The following PPEF1 variants were observed in gnomAD, a reference collection of about 807,000 sequenced individuals.
PPEF1 encodes protein phosphatase with EF-hand domain 1.
Under a neutral mutation model 53.3 loss-of-function variants are expected in PPEF1, and 12 were observed. The ratio of observed to expected loss-of-function variants is 0.23; its 90% confidence interval spans 0.14 to 0.36. PPEF1 has a LOEUF of 0.36. PPEF1 is among the 10% of genes least tolerant of loss of function. The pLI is 1.00. For synonymous variants in PPEF1, 165 were observed against 176.7 expected, an observed-to-expected ratio of 0.93 and a Z score of 0.52; for missense variants, 334 against 490.4, an observed-to-expected ratio of 0.68 and a Z score of 3.01.
In PPEF1 at chrX:18,788,381, C is replaced by T. The variant is rs370157674; in HGVS notation, c.913-740C>T. ...TTGTCTATCACTGAACCACGGCCAC[C>T]AGTATAACAGAAGTATTGTTTAATA... is the stretch of plus-strand genomic sequence containing the variant. On this transcript the variant is annotated intron_variant, in intron 9 of 15. Coordinates refer to ENST00000470157, the MANE Select transcript of PPEF1 (RefSeq NM_001377996.1). 6.1e-3 allele frequency among the ~76,000 whole-genome samples: 656 copies of T among 107,666 alleles called. 3 individuals carry two copies. The highest frequency in any genetic ancestry group is 0.021 in the African/African-American group (631 of 29,470). 93.5% of individuals were successfully genotyped at this position (107,666 alleles called of 115,157 possible).
chrX:18,787,832 C>T (rs73191555), intron 9 of PPEF1, among the ~76,000 whole-genome samples: 50,623 of 108,757 alleles, frequency 0.47, 9,072 homozygotes, highest in Non-Finnish European at 0.54. Flanking sequence ...AGGGTCCTCC[C>T]AGAATATTCT....
At position 18,805,302 on chromosome X, in the gene PPEF1, A is replaced by G. The variant is rs762786072; in HGVS notation, c.1252-1101A>G. 1.3e-4 allele frequency among the ~76,000 whole-genome samples: 15 copies of G among 111,691 alleles called. No individual in the cohort carries two copies. The South Asian group carries it at 3.4e-3, about 26-fold the overall frequency. On this transcript the variant is annotated intron_variant, in intron 11 of 15. Transcript: ENST00000470157. ...CCTGGCCTGGAATGCACCTTTTTCT[A>G]TAGTGAACAGCAATAAATAAAAATG...
intron 14 of PPEF1, among the ~76,000 whole-genome samples, chrX:18,824,314 C>T (rs1332508458): frequency 9.0e-6 from 1 of 110,974 alleles, no homozygotes; most frequent in Admixed American, 9.7e-5. Flanking sequence ...GTCGTGCCCA[C>T]CTGTAATCCC....
intron 3 of PPEF1, among the ~76,000 whole-genome samples, chrX:18,687,685 CTTTTTTTTTTTT>C (rs370867326): frequency 1.1e-5 from 1 of 89,154 alleles, no homozygotes; most frequent in African/African-American, 4.6e-5. Flanking sequence ...AAATATTCTT[CTTTTTTTTTTTT>C]TTTTTTTTTG....
chrX:18,808,025 G>A (rs1480625503), intron 12 of PPEF1, among the ~76,000 whole-genome samples: 1 of 97,664 alleles, frequency 1.0e-5, no homozygotes, highest in Admixed American at 1.2e-4. Flanking sequence ...GGAGTGCAGT[G>A]GTGCGATCTC....
intron 11 of PPEF1, among the ~76,000 whole-genome samples, chrX:18,804,297 C>G (rs1234303737): frequency 1.1e-5 from 1 of 89,388 alleles, no homozygotes; most frequent in East Asian, 3.2e-4. Context: ...TCCCTAATCC[C>G]AGAAACAGAA....
In PPEF1 at chrX:18,713,420, C is replaced by CTTT. The variant is rs55997147; in HGVS notation, c.46+5610_46+5612dup. On this transcript the variant is annotated intron_variant, in intron 1 of 15. Coordinates refer to ENST00000470157, the MANE Select transcript of PPEF1 (RefSeq NM_001377996.1). Reference sequence around the variant, plus strand: ...TTGTTCAGAGTATTCCCTTAAAATTCTTTTTTTTTTTTTTTTTTCTTTACT... The same window carrying CTTT: ...TTGTTCAGAGTATTCCCTTAAAATTCTTTTTTTTTTTTTTTTTTTTTCTTTACT... 8.4e-3 allele frequency among the ~76,000 whole-genome samples: 647 copies of CTTT among 77,468 alleles called. 19 individuals are homozygous for CTTT. The highest frequency in any genetic ancestry group is 0.029 in the Middle Eastern group (3 of 105). The allele number at this position is 77,468 out of a possible 115,157, so 67.3% of individuals were successfully genotyped here. A position where few individuals can be genotyped will look rare whatever the true frequency, so the allele number is the denominator to read the frequency against.
intron 10 of PPEF1, among the ~76,000 whole-genome samples, chrX:18,791,949 C>T (rs1050389877): frequency 4.5e-5 from 5 of 112,134 alleles, no homozygotes; most frequent in Non-Finnish European, 9.4e-5. Context: ...TGTGTTCTTT[C>T]CCTTTATTCT....
At chrX:18,675,140 C>T (rs761652840), upstream of PPEF1, among the ~76,000 whole-genome samples, 1 of 113,149 alleles carries the variant, frequency 8.8e-6, no homozygotes, top group East Asian at 2.8e-4. Context: ...GCTTGTCTTC[C>T]CTGCCCGCCA....
intron 4 of PPEF1, among the ~76,000 whole-genome samples, chrX:18,696,192 G>A (rs752772105): frequency 9.1e-6 from 1 of 110,264 alleles, no homozygotes; most frequent in East Asian, 2.8e-4. Context: ...TTCCTCTGTT[G>A]CCTAGGCTGG....
intron 1 of PPEF1, 55 bp downstream of exon 1, chrX:18,707,881 C>T (rs1398872227): frequency 1.9e-6 from 2 of 1,057,996 alleles, no homozygotes; most frequent in Non-Finnish European, 2.6e-6. Flanking sequence ...AATGAGCTGC[C>T]CTCACCCTCT....
intron 1 of PPEF1, among the ~76,000 whole-genome samples, chrX:18,683,635 C>T (rs748436677): frequency 5.0e-4 from 56 of 111,982 alleles, no homozygotes; most frequent in Non-Finnish European, 9.0e-4. Context: ...CTGTGCTTAG[C>T]CTCTGCACTA....
At chrX:18,766,065 C>CAAAAAAAAAAAAAA (rs61277288) in intron 6 of PPEF1, among the ~76,000 whole-genome samples, 1 of 63,934 alleles carries the variant, frequency 1.6e-5, no homozygotes, top group African/African-American at 6.0e-5. Context: ...AACTCTGTCT[C>CAAAAAAAAAAAAAA]AAAAAAAAAA....
At chrX:18,820,431 G>A (rs1463717539) in intron 13 of PPEF1, among the ~76,000 whole-genome samples, 1 of 108,056 alleles carries the variant, frequency 9.3e-6, no homozygotes, top group Non-Finnish European at 1.9e-5. Flanking sequence ...TGTCGCCCAG[G>A]CTGGAGTGCA....
chrX:18,678,745 G>A (rs184631741), upstream of PPEF1, among the ~76,000 whole-genome samples: 35 of 111,197 alleles, frequency 3.1e-4, no homozygotes, highest in African/African-American at 9.8e-5. Context: ...CGGACCTCTC[G>A]CGATGTTTAT....
At chrX:18,677,544 A>G (rs1182426035) in intron 1 of PPEF1, among the ~76,000 whole-genome samples, 1 of 111,839 alleles carries the variant, frequency 8.9e-6, no homozygotes, top group African/African-American at 3.2e-5. Context: ...CCCTTTCTGC[A>G]GTCCAGAATA....
upstream of PPEF1, among the ~76,000 whole-genome samples, chrX:18,675,099 G>T (rs901652639): frequency 1.8e-5 from 2 of 112,988 alleles, no homozygotes; most frequent in Non-Finnish European, 3.8e-5. Flanking sequence ...GTTTGCGGCG[G>T]CTTCGAGTCT....
chrX:18,810,335 A>G (rs181977623), intron 12 of PPEF1, among the ~76,000 whole-genome samples: 21 of 104,648 alleles, frequency 2.0e-4, no homozygotes, highest in South Asian at 4.1e-4. Flanking sequence ...CTCTCTGCGC[A>G]CACACACACA....
intron 1 of PPEF1, among the ~76,000 whole-genome samples, chrX:18,712,871 C>T (rs935601272): frequency 2.7e-5 from 3 of 111,728 alleles, no homozygotes; most frequent in Non-Finnish European, 5.6e-5. Flanking sequence ...TTGAGATGAT[C>T]TTGTGGTTTT....
Sources: allele counts gnomAD v4.1 joint callset (sites outside exome capture counted in the v4.1 genomes callset), GRCh38; gene constraint gnomAD v4.1.1; transcripts MANE v1.5; gene names NCBI Gene and HGNC (gene_info 2026-07-23, HGNC 2026-07-21).